L3MBTL4: variants seen among roughly 807,000 people sequenced by gnomAD.
The protein encoded by L3MBTL4 is lethal(3)malignant brain tumor-like protein 4.
A neutral mutation model predicts 84.5 loss-of-function variants in L3MBTL4; 70 were observed. The ratio of observed to expected loss-of-function variants is 0.83; its 90% confidence interval spans 0.68 to 1.01. The LOEUF (loss-of-function observed/expected upper bound fraction) is 1.01, where lower values mean the gene tolerates loss of function less well. L3MBTL4 is among the 50% of genes least tolerant of loss of function. The pLI is 0.00. For missense variants in L3MBTL4, 715 were observed against 754.8 expected (o/e 0.95, Z 0.62); for synonymous variants, 274 against 259.8 (o/e 1.05, Z -0.52).
At chr18:6,206,549 C>G (rs1199952301) in intron 12 of L3MBTL4, among the ~76,000 whole-genome samples, 1 of 152,084 alleles carries the variant, frequency 6.6e-6, no homozygotes, top group Non-Finnish European at 1.5e-5. Context: ...TCACCAAGGC[C>G]ACATGTTTCC....
chr18:6,127,569 C>T (rs2059735264), intron 14 of L3MBTL4, among the ~76,000 whole-genome samples: 2 of 152,152 alleles, frequency 1.3e-5, no homozygotes, highest in African/African-American at 4.8e-5. Flanking sequence ...ATCCTTTGTC[C>T]TTGCGAATAA....
chr18:6,259,770 G>C (rs1225387541), intron 5 of L3MBTL4: 1 of 152,024 alleles, frequency 6.6e-6, no homozygotes, highest in Non-Finnish European at 1.5e-5. Context: ...TTCTTTTGCT[G>C]TGCAGAAGCC....
At chr18:6,006,179 T>C (rs996566578) in intron 16 of L3MBTL4, among the ~76,000 whole-genome samples, 3 of 152,208 alleles carry the variant, frequency 2.0e-5, no homozygotes, top group Non-Finnish European at 4.4e-5. Context: ...TTCTGGAGGA[T>C]ATCTCTAGAG....
chr18:6,229,395 T>C (rs1033077652), intron 10 of L3MBTL4, among the ~76,000 whole-genome samples: 1 of 152,150 alleles, frequency 6.6e-6, no homozygotes, highest in South Asian at 2.1e-4. Flanking sequence ...AGATATATGA[T>C]ATGCAAATTT....
At chr18:6,143,559 GT>G (rs545781584) in intron 13 of L3MBTL4, among the ~76,000 whole-genome samples, 371 of 152,270 alleles carry the variant, frequency 2.4e-3, no homozygotes, top group African/African-American at 8.5e-3. Flanking sequence ...TCAAACGAAT[GT>G]TTTTGTTCAG....
At chr18:6,258,374 AAGGT>A (rs2048247782) in intron 5 of L3MBTL4, among the ~76,000 whole-genome samples, 1 of 152,108 alleles carries the variant, frequency 6.6e-6, no homozygotes. Flanking sequence ...TGGGGTAGAG[AAGGT>A]AGGCAGTGAA....
intron 14 of L3MBTL4, among the ~76,000 whole-genome samples, chr18:6,136,185 G>A (rs868424461): frequency 2.0e-5 from 3 of 152,172 alleles, no homozygotes; most frequent in African/African-American, 4.8e-5. Context: ...CACAACATGT[G>A]GGAATTTTGG....
chr18:6,100,486 T>C (rs2058787091), intron 14 of L3MBTL4, among the ~76,000 whole-genome samples: 1 of 152,344 alleles, frequency 6.6e-6, no homozygotes, highest in South Asian at 2.1e-4. Context: ...ATCTGTGTCA[T>C]CTGTTCATGG....
chr18:6,138,551 G>T (rs1289547304), intron 13 of L3MBTL4, among the ~76,000 whole-genome samples: 1 of 152,036 alleles, frequency 6.6e-6, no homozygotes, highest in African/African-American at 2.4e-5. Flanking sequence ...AGGCATTGAA[G>T]AATTTCTTTT....
At chr18:6,036,681 T>G (rs1267425009) in intron 16 of L3MBTL4, among the ~76,000 whole-genome samples, 1 of 152,218 alleles carries the variant, frequency 6.6e-6, no homozygotes, top group African/African-American at 2.4e-5. Context: ...GTAAGTTTTG[T>G]GATTACTTAT....
chr18:6,146,514 T>G (rs551582031), intron 13 of L3MBTL4, among the ~76,000 whole-genome samples: 1 of 152,330 alleles, frequency 6.6e-6, no homozygotes, highest in East Asian at 1.9e-4. Context: ...ACCTGGCCGC[T>G]GGGTTTCGCA....
chr18:6,317,552 T>C (rs1052704187), intron 1 of L3MBTL4, among the ~76,000 whole-genome samples: 24 of 151,954 alleles, frequency 1.6e-4, no homozygotes, highest in Non-Finnish European at 3.1e-4. Context: ...CAAACAAAAA[T>C]TTAAAAAATA....
intron 4 of L3MBTL4, among the ~76,000 whole-genome samples, chr18:6,273,582 G>A (rs2048960500): frequency 6.9e-6 from 1 of 144,112 alleles, no homozygotes; most frequent in African/African-American, 2.7e-5. Context: ...AACAGCTCAT[G>A]ACAGTCGGAA....
intron 10 of L3MBTL4, among the ~76,000 whole-genome samples, chr18:6,223,664 C>T (rs1236256945): frequency 1.3e-5 from 2 of 152,164 alleles, no homozygotes; most frequent in Admixed American, 6.5e-5. Context: ...AACTGCATTT[C>T]CTAGACTCCT....
At chr18:6,077,193 T>C (rs2057883926) in intron 16 of L3MBTL4, among the ~76,000 whole-genome samples, 1 of 152,200 alleles carries the variant, frequency 6.6e-6, no homozygotes, top group African/African-American at 2.4e-5. Flanking sequence ...GCCCAAAGAA[T>C]AATTATCACT....
chr18:6,368,303 G>C (rs2054017049), intron 1 of L3MBTL4, among the ~76,000 whole-genome samples: 1 of 152,076 alleles, frequency 6.6e-6, no homozygotes, highest in Non-Finnish European at 1.5e-5. Flanking sequence ...GAGCAAGGGA[G>C]AGAAAACACC....
chr18:6,174,186 T>A (rs1421291690), intron 12 of L3MBTL4, among the ~76,000 whole-genome samples: 3 of 151,774 alleles, frequency 2.0e-5, no homozygotes, highest in Non-Finnish European at 2.9e-5. Context: ...GTATCATTCA[T>A]TACATATAAC....
chr18:6,098,997 G>A (rs1446314165), intron 14 of L3MBTL4, among the ~76,000 whole-genome samples: 1 of 152,154 alleles, frequency 6.6e-6, no homozygotes, highest in East Asian at 1.9e-4. Flanking sequence ...AGAGAAAGGG[G>A]CTCAGCGATG....
Position 5,956,350 on chromosome 18 carries a change from G to T in L3MBTL4, c.1715C>A (p.Thr572Lys). 1 of 1,614,096 alleles carries T rather than the reference G, an allele frequency of 6.2e-7. No individual in the cohort carries two copies. Among genetic ancestry groups the T allele is most frequent in the Non-Finnish European group, 8.5e-7 (1 of 1,179,986 alleles). Residue 572 changes from threonine to lysine, a missense_variant, in exon 19 of 19, where the codon ACG becomes AAG. Thr to Lys is a moderately conservative substitution (Grantham distance 78). Coordinates refer to ENST00000317931, the MANE Select transcript of L3MBTL4 (RefSeq NM_001330559.2). ...DGKAFLLLTQ[T>K]DIVKVMKIKL... ...GATCTTCATCACTTTGACAATGTCC[G>T]TCTGTGTCAGAAGCAGGAAGGCTTT...
Sources: allele counts gnomAD v4.1 joint callset (sites outside exome capture counted in the v4.1 genomes callset), GRCh38; gene constraint gnomAD v4.1.1; transcripts MANE v1.5; gene names NCBI Gene and HGNC (gene_info 2026-07-23, HGNC 2026-07-21).